The following MAP4K3 variants were observed in gnomAD, a reference collection of about 807,000 sequenced individuals.
The protein encoded by MAP4K3 is MAPK/ERK kinase kinase kinase 3.
A neutral mutation model predicts 143.5 loss-of-function variants in MAP4K3; 94 were observed. That is an observed-to-expected ratio of 0.65 (90% confidence interval 0.55 to 0.78). The LOEUF (loss-of-function observed/expected upper bound fraction) is 0.78, where lower values mean the gene tolerates loss of function less well. MAP4K3 is among the 30% of genes least tolerant of loss of function. The probability of loss-of-function intolerance (pLI) is 0.00; values close to 1 mark genes in which losing one functional copy is unlikely to be tolerated. For missense variants in MAP4K3, 1,077 were observed against 1,068.1 expected (o/e 1.01, Z -0.12); for synonymous variants, 416 against 347.2 (o/e 1.20, Z -2.20).
chr2:39,306,890 G>A (rs1318913817), intron 15 of MAP4K3, among the ~76,000 whole-genome samples: 1 of 152,220 alleles, frequency 6.6e-6, no homozygotes, highest in African/African-American at 2.4e-5. Flanking sequence ...CCTATTGTAT[G>A]TTAGCTTCCC....
chr2:39,293,179 A>T, intron 17 of MAP4K3, 51 bp downstream of exon 17: 1 of 1,298,528 alleles, frequency 7.7e-7, no homozygotes, highest in Non-Finnish European at 1.1e-6. Context: ...AGGCAAACTG[A>T]CTTTACTTGT....
intron 2 of MAP4K3, among the ~76,000 whole-genome samples, chr2:39,357,156 T>C (rs1274161195): frequency 6.6e-6 from 1 of 152,244 alleles, no homozygotes; most frequent in Non-Finnish European, 1.5e-5. Context: ...CTGGCAATCC[T>C]ATAGCAGTGT....
At chr2:39,284,761 T>G (rs936499911) in intron 21 of MAP4K3, among the ~76,000 whole-genome samples, 22 of 151,540 alleles carry the variant, frequency 1.5e-4, no homozygotes, top group Non-Finnish European at 3.1e-4. Flanking sequence ...GGAGAATCAC[T>G]TGAACCCAGA....
chr2:39,345,391 T>C (rs899064103), intron 3 of MAP4K3, among the ~76,000 whole-genome samples: 1 of 152,088 alleles, frequency 6.6e-6, no homozygotes, highest in Non-Finnish European at 1.5e-5. Context: ...CACTCTGGCC[T>C]GGGTGACAGA....
intron 1 of MAP4K3, among the ~76,000 whole-genome samples, chr2:39,378,508 G>A (rs1183790154): frequency 6.6e-6 from 1 of 152,178 alleles, no homozygotes; most frequent in Non-Finnish European, 1.5e-5. Flanking sequence ...TACAGCCAGT[G>A]AGTCGACAGT....
At position 39,293,278 on chromosome 2, in the gene MAP4K3, A is replaced by G. The variant is rs959741606; in HGVS notation, c.1179-10T>C. On this transcript the variant is annotated splice_polypyrimidine_tract_variant and intron_variant, in intron 16 of 33. Transcript: ENST00000263881. ...AGACTTGAGAAGACTCCTTAAAAGA[A>G]AAAACAAAAACAAAAAATAATGTGA... The G allele has an allele frequency of 1.0e-5, 15 of 1,443,998 alleles. No homozygotes were observed. In the African/African-American group the frequency reaches 2.0e-4, roughly 19 times the overall value. The allele number at this position is 1,443,998 out of a possible 1,614,324, so 89.4% of individuals were successfully genotyped here.
intron 3 of MAP4K3, among the ~76,000 whole-genome samples, chr2:39,348,414 T>C (rs1665358367): frequency 6.6e-6 from 1 of 152,172 alleles, no homozygotes; most frequent in Non-Finnish European, 1.5e-5. Flanking sequence ...TTTATAATAT[T>C]CTATTTAGTT....
At chr2:39,254,968 C>T (rs935285836) in intron 31 of MAP4K3, among the ~76,000 whole-genome samples, 3 of 152,158 alleles carry the variant, frequency 2.0e-5, no homozygotes, top group Non-Finnish European at 4.4e-5. Context: ...CAATCAGATC[C>T]TAACATTCTG....
At position 39,325,543 on chromosome 2, in the gene MAP4K3, T is replaced by C; in HGVS notation, c.893A>G (p.His298Arg). 2 of 1,612,498 alleles carry C rather than the reference T, an allele frequency of 1.2e-6. No homozygotes were observed. The highest frequency in any genetic ancestry group is 1.7e-6 in the Non-Finnish European group (2 of 1,179,420). ...KVNNPDHSTY[H>R]DFDDDDPEPL... is the part of the protein sequence containing the mutation. ...CTCAGGATCATCATCATCGAAATCATGGTAAGTGGAATGATCTGGATTATT... is the reference window on the plus strand; with the variant it reads ...CTCAGGATCATCATCATCGAAATCACGGTAAGTGGAATGATCTGGATTATT... Residue 298 changes from histidine (H) to arginine (R), a missense_variant, in exon 12 of 34, where the codon CAT becomes CGT. His to Arg is a conservative substitution (Grantham distance 29). Coordinates refer to ENST00000263881, the MANE Select transcript of MAP4K3 (RefSeq NM_003618.4).
intron 4 of MAP4K3, among the ~76,000 whole-genome samples, chr2:39,341,689 A>C (rs1665144589): frequency 6.6e-6 from 1 of 151,996 alleles, no homozygotes; most frequent in African/African-American, 2.4e-5. Flanking sequence ...AGGGAAATTA[A>C]ACCAATTAGT....
intron 21 of MAP4K3, among the ~76,000 whole-genome samples, chr2:39,285,255 T>C (rs973116717): frequency 2.0e-5 from 3 of 152,188 alleles, no homozygotes; most frequent in Non-Finnish European, 2.9e-5. Context: ...TATCCTATGA[T>C]AGAGCCATGG....
At chr2:39,373,727 C>T (rs997251599) in intron 2 of MAP4K3, among the ~76,000 whole-genome samples, 25 of 152,046 alleles carry the variant, frequency 1.6e-4, no homozygotes, top group African/African-American at 6.0e-4. Flanking sequence ...TCTGTGGGAG[C>T]TAAAACTCAA....
In MAP4K3 at chr2:39,275,348, T is replaced by C. The variant is rs564882798; in HGVS notation, c.1795-2806A>G. ...AAAATATCAAAAAATTAGCTGGGCA[T>C]TGTGGCATGTGGCTGTAGTCCCAGC... On this transcript the variant is annotated intron_variant, in intron 24 of 33. Transcript: ENST00000263881. Among the ~76,000 whole-genome samples the C allele has an allele frequency of 1.3e-3, 204 of 152,218 alleles. 6 individuals are homozygous for C. In the South Asian group the frequency reaches 0.041, roughly 31 times the overall value.
intron 1 of MAP4K3, among the ~76,000 whole-genome samples, chr2:39,414,149 T>C (rs936812766): frequency 6.6e-6 from 1 of 152,068 alleles, no homozygotes; most frequent in African/African-American, 2.4e-5. Flanking sequence ...TCTATAGAAA[T>C]AGCCAAATCT....
At chr2:39,362,390 G>A (rs778111008) in intron 2 of MAP4K3, among the ~76,000 whole-genome samples, 7 of 152,206 alleles carry the variant, frequency 4.6e-5, no homozygotes, top group South Asian at 2.1e-4. Flanking sequence ...ATTCAGCAAA[G>A]TTGCAGGATA....
intron 28 of MAP4K3, among the ~76,000 whole-genome samples, chr2:39,261,837 G>A (rs765852669): frequency 6.6e-6 from 1 of 151,958 alleles, no homozygotes; most frequent in Non-Finnish European, 1.5e-5. Flanking sequence ...CTTAAATACT[G>A]TTGAAAAATT....
chr2:39,386,215 C>T (rs1666501549), intron 1 of MAP4K3, among the ~76,000 whole-genome samples: 1 of 152,140 alleles, frequency 6.6e-6, no homozygotes, highest in Non-Finnish European at 1.5e-5. Flanking sequence ...TGAAGATGCA[C>T]CAAGAAGGAG....
At chr2:39,386,493 C>T (rs964520384) in intron 1 of MAP4K3, among the ~76,000 whole-genome samples, 1 of 152,190 alleles carries the variant, frequency 6.6e-6, no homozygotes, top group Non-Finnish European at 1.5e-5. Flanking sequence ...CTCCAGGTCA[C>T]AAATATTTTC....
chr2:39,266,937 A>G (rs1020510282), intron 27 of MAP4K3, among the ~76,000 whole-genome samples: 3 of 151,846 alleles, frequency 2.0e-5, no homozygotes, highest in African/African-American at 7.2e-5. Context: ...AACTTTCTCC[A>G]TTTACCTAGG....
Sources: allele counts gnomAD v4.1 joint callset (sites outside exome capture counted in the v4.1 genomes callset), GRCh38; gene constraint gnomAD v4.1.1; transcripts MANE v1.5; gene names NCBI Gene and HGNC (gene_info 2026-07-23, HGNC 2026-07-21).